ANKRD26: variants seen among roughly 807,000 people sequenced by gnomAD.
ANKRD26 encodes ankyrin repeat domain-containing protein 26.
Under a neutral mutation model 208.7 loss-of-function variants are expected in ANKRD26, and 141 were observed. The observed-to-expected ratio is 0.68, with a 90% CI of 0.59 to 0.78. The LOEUF is 0.78. ANKRD26 is among the 30% of genes least tolerant of loss of function. ANKRD26 has a pLI of 0.00. For synonymous variants in ANKRD26, 636 were observed against 660.4 expected, an observed-to-expected ratio of 0.96 and a Z score of 0.57; for missense variants, 1,889 against 1,938.7, an observed-to-expected ratio of 0.97 and a Z score of 0.48.
intron 29 of ANKRD26, 72 bp from the exon 30 acceptor site, chr10:27,017,864 A>G: frequency 7.1e-7 from 1 of 1,413,562 alleles, no homozygotes; most frequent in Non-Finnish European, 9.7e-7. Context: ...AAAACCAAGA[A>G]CAAATTTTGA....
rs753924410 is a variant in ANKRD26 at position 27,014,582 on chromosome 10, C to T, written c.4636G>A (p.Asp1546Asn). 1.9e-6 allele frequency: 3 copies of T among 1,605,586 alleles called. No individual in the cohort carries two copies. The highest frequency in any genetic ancestry group is 1.1e-5 in the South Asian group (1 of 90,490). The change falls in exon 31 of 34, where the codon GAC (aspartate) becomes AAC (asparagine). Residue 1546 changes from aspartate (D) to asparagine (N), a missense_variant. Asp to Asn is a conservative substitution (Grantham distance 23). Around this residue, in one of 3 missense-constraint regions of ANKRD26, gnomAD observed 613 missense variants for 648.2 expected, o/e 0.95. Transcript: ENST00000376087. ...TTTTCCAGTTCGGTTTTATTAAAGTCTTCTTGAGAAGTTTTTATTTTGGAG... is the reference window on the plus strand; with the variant it reads ...TTTTCCAGTTCGGTTTTATTAAAGTTTTCTTGAGAAGTTTTTATTTTGGAG... The part of the protein sequence containing the change: ...ELSKIKTSQE[D>N]FNKTELEKYK...
intron 9 of ANKRD26, among the ~76,000 whole-genome samples, chr10:27,069,381 G>A (rs868130457): frequency 5.3e-4 from 80 of 152,214 alleles, no homozygotes; most frequent in African/African-American, 1.9e-3. Context: ...AGAGGACTGA[G>A]TAAATTACAA....
chr10:27,049,916 G>T (rs979454896), intron 16 of ANKRD26, among the ~76,000 whole-genome samples: 2 of 152,092 alleles, frequency 1.3e-5, no homozygotes, highest in Admixed American at 6.6e-5. Flanking sequence ...AGTCTCGTCT[G>T]CTTTTACTTT....
At position 27,014,706 on chromosome 10, in the gene ANKRD26, T is replaced by C; in HGVS notation, c.4512A>G (p.Gln1504=). 1.9e-6 allele frequency: 3 copies of C among 1,612,156 alleles called. No individual in the cohort carries two copies. Among genetic ancestry groups the C allele is most frequent in the East Asian group, 4.5e-5 (2 of 44,772 alleles). ...LKEVNLFLQA[Q]AASQENLEQF... ...GCTCTAAGTTTTCTTGAGATGCTGC[T>C]TGTGCCTAAAACAAATTAAAAGCAT... Residue 1504 remains glutamine (Q), a synonymous_variant, in exon 31 of 34, where the codon CAA becomes CAG. Coordinates refer to ENST00000376087, the MANE Select transcript of ANKRD26 (RefSeq NM_014915.3).
chr10:27,037,132 CAT>C, intron 23 of ANKRD26, 52 bp downstream of exon 23: 1 of 1,566,058 alleles, frequency 6.4e-7, no homozygotes, highest in South Asian at 1.1e-5. Flanking sequence ...AATATATACA[CAT>C]ATAAATACAT....
chr10:27,049,774 T>C (rs1034451129), intron 16 of ANKRD26, among the ~76,000 whole-genome samples: 2 of 152,174 alleles, frequency 1.3e-5, no homozygotes, highest in Non-Finnish European at 1.5e-5. Flanking sequence ...TCTAGCACTT[T>C]ATGGCACCAA....
chr10:27,087,221 C>T (rs939643198), intron 4 of ANKRD26, among the ~76,000 whole-genome samples: 1 of 152,142 alleles, frequency 6.6e-6, no homozygotes, highest in African/African-American at 2.4e-5. Flanking sequence ...GGCTCTGTAA[C>T]CAACAGCTAT....
At chr10:26,972,274 ATT>A (rs2052161936), downstream of ANKRD26, among the ~76,000 whole-genome samples, 1 of 151,672 alleles carries the variant, frequency 6.6e-6, no homozygotes, top group Non-Finnish European at 1.5e-5. Flanking sequence ...CCAAAAAATT[ATT>A]CACTCTGGTT....
chr10:26,996,424 G>A (rs2052594418), intron 4 of ANKRD26, among the ~76,000 whole-genome samples: 2 of 152,184 alleles, frequency 1.3e-5, no homozygotes, highest in Non-Finnish European at 1.5e-5. Context: ...GTTGGGCGTG[G>A]TGGCTCATGC....
rs533779349 is a variant in ANKRD26, at chr10:27,033,286, C to T, written c.3746G>A (p.Arg1249His). Residue 1249 changes from arginine to histidine, a missense_variant, in exon 25 of 34, where the codon CGT becomes CAT. Coordinates refer to ENST00000376087, the MANE Select transcript of ANKRD26 (RefSeq NM_014915.3). The part of the protein sequence containing the change: ...EASLEVTSRY[R>H]INLEDETQDL... ...CTGTGTCTCATCTTCTAAATTAATA[C>T]GATAACGTGACGTAACCTCCAGTGA... 1.4e-5 allele frequency: 23 copies of T among 1,612,474 alleles called. 1 individual carries two copies. Among genetic ancestry groups the T allele is most frequent in the African/African-American group, 1.1e-4 (8 of 74,970 alleles).
intron 4 of ANKRD26, among the ~76,000 whole-genome samples, chr10:27,086,846 A>G (rs2056141206): frequency 7.1e-6 from 1 of 141,042 alleles, no homozygotes; most frequent in African/African-American, 2.7e-5. Context: ...ATATTGGCAC[A>G]CTGCAACCTC....
intron 15 of ANKRD26, among the ~76,000 whole-genome samples, chr10:27,054,130 T>C (rs1447015533): frequency 6.6e-6 from 1 of 152,208 alleles, no homozygotes; most frequent in Non-Finnish European, 1.5e-5. Context: ...TACTGTATCT[T>C]TTCCATCTGA....
chr10:27,040,133 T>C lies in ANKRD26; in HGVS notation c.2207A>G (p.Glu736Gly). ...LKIQDAALSC[E>G]RLLELKKNHC... ...ATTTTTTTTAAGTTCTAATAATCTTTCACATGAAAGAGCTGCATCCTGGAT... is the reference window on the plus strand; with the variant it reads ...ATTTTTTTTAAGTTCTAATAATCTTCCACATGAAAGAGCTGCATCCTGGAT... The change falls in exon 21 of 34, where the codon GAA (glutamate) becomes GGA (glycine). Residue 736 changes from glutamate (E) to glycine (G), a missense_variant. Glu to Gly is a moderately conservative substitution (Grantham distance 98). Coordinates refer to ENST00000376087, the MANE Select transcript of ANKRD26 (RefSeq NM_014915.3). 1 of 1,613,130 alleles carries C rather than the reference T, an allele frequency of 6.2e-7. No homozygotes were observed. Among genetic ancestry groups the C allele is most frequent in the South Asian group, 1.1e-5 (1 of 91,054 alleles).
At chr10:27,067,007 A>C (rs1480534325) in intron 10 of ANKRD26, 150 bp downstream of exon 10, 1 of 759,568 alleles carries the variant, frequency 1.3e-6, no homozygotes, top group Non-Finnish European at 2.2e-6. Context: ...GGGTTTCATC[A>C]TGTTGGCTAG....
intron 32 of ANKRD26, among the ~76,000 whole-genome samples, chr10:27,012,136 T>G (rs553768954): frequency 6.6e-6 from 1 of 152,348 alleles, no homozygotes; most frequent in East Asian, 1.9e-4. Flanking sequence ...CAATCATTCA[T>G]TCACTTATGA....
chr10:27,040,060 A>G lies in ANKRD26; in HGVS notation c.2280T>C (p.Val760=). 1 of 1,613,478 alleles carries G rather than the reference A, an allele frequency of 6.2e-7. No individual in the cohort carries two copies. Among genetic ancestry groups the G allele is most frequent in the Non-Finnish European group, 8.5e-7 (1 of 1,179,758 alleles). The change falls in exon 21 of 34, where the codon GTT becomes GTC. Residue 760 remains valine, a synonymous_variant. Transcript: ENST00000376087. ...CAGATAGCTCCCTTTGTAGTACATT[A>G]ACCTTGTCTTCCATTTTTTTAATTT... ...TVKIKKMEDK[V]NVLQRELSET...
At chr10:26,978,522 G>A (rs75334694) in intron 5 of ANKRD26, among the ~76,000 whole-genome samples, 3,245 of 152,220 alleles carry the variant, frequency 0.021, 121 homozygotes, top group African/African-American at 0.073. Flanking sequence ...CATGTTTTGA[G>A]TTGCTGGTCA....
chr10:27,062,422 A>C (rs1016222222), intron 12 of ANKRD26, among the ~76,000 whole-genome samples: 1 of 152,232 alleles, frequency 6.6e-6, no homozygotes, highest in Non-Finnish European at 1.5e-5. Flanking sequence ...AAGCATCAGC[A>C]TTATGTGGGA....
intron 9 of ANKRD26, among the ~76,000 whole-genome samples, chr10:27,071,694 GCAGCAGTGTACACGATGAAC>G (rs1440078352): frequency 2.0e-5 from 3 of 152,092 alleles, no homozygotes; most frequent in African/African-American, 7.2e-5. Flanking sequence ...GAACAGGCGG[GCAGCAGTGTACACGATGAAC>G]CAGGTAGAAA....
Sources: allele counts gnomAD v4.1 joint callset (sites outside exome capture counted in the v4.1 genomes callset), GRCh38; gene constraint gnomAD v4.1.1; regional missense constraint gnomAD v4.1.1; transcripts MANE v1.5; gene names NCBI Gene and HGNC (gene_info 2026-07-23, HGNC 2026-07-21).